The following WNT7B variants were observed in gnomAD, a reference collection of about 807,000 sequenced individuals.
The protein encoded by WNT7B is protein Wnt-7b.
Under a neutral mutation model 38.2 loss-of-function variants are expected in WNT7B, and 19 were observed. That is an observed-to-expected ratio of 0.50 (90% CI 0.35 to 0.73). The LOEUF is 0.73. Ranked by LOEUF, WNT7B falls within the 30% of genes least tolerant of loss-of-function variation. The pLI is 0.01. For missense variants in WNT7B, 423 were observed against 507.9 expected, an observed-to-expected ratio of 0.83 and a Z score of 1.61; for synonymous variants, 243 against 209.3, an observed-to-expected ratio of 1.16 and a Z score of -1.39.
rs1267902998 is a variant in WNT7B, at chr22:45,948,816, T to C, written c.298+1104A>G. Among the ~76,000 whole-genome samples the C allele has an allele frequency of 6.3e-5, 8 of 127,332 alleles. No homozygotes were observed. In the East Asian group the frequency reaches 1.1e-3, roughly 17 times the overall value. 83.5% of individuals were successfully genotyped at this position (127,332 alleles called of 152,430 possible). ...AGCTGGATTCAAACCCAGGTCAGGC[T>C]CCAAAGATCCCTTTTTTTTTTTTTT... On this transcript the variant is annotated intron_variant, in intron 2 of 3. Transcript: ENST00000339464.
chr22:45,951,843 G>T lies in WNT7B; in HGVS notation c.72-1697C>A, dbSNP rs989936009. ...TACTGTGAGTGATGCCGCCATGAAC[G>T]TGCGGGTAAGGTTTCTGTTTGAGCC... On this transcript the variant is annotated intron_variant, in intron 1 of 3. Transcript: ENST00000339464. This position sits in a 1 kb window ranked among gnomAD's most constrained non-coding sequence, Gnocchi z 4.8. Among the ~76,000 whole-genome samples the T allele has an allele frequency of 4.6e-5, 7 of 152,148 alleles. No homozygotes were observed. In the South Asian group the frequency reaches 1.5e-3, roughly 32 times the overall value.
intron 2 of WNT7B, 89 bp downstream of exon 2, chr22:45,949,831 C>T: frequency 1.5e-6 from 2 of 1,311,436 alleles, no homozygotes; most frequent in East Asian, 2.5e-5. Context: ...GTGTGCAGAA[C>T]AGCGGCCTAG....
chr22:45,931,244 T>A lies in WNT7B; in HGVS notation c.424A>T (p.Asn142Tyr). 1 of 1,599,196 alleles carries A rather than the reference T, an allele frequency of 6.3e-7. No individual in the cohort carries two copies. Among genetic ancestry groups the A allele is most frequent in the Non-Finnish European group, 8.5e-7 (1 of 1,179,814 alleles). Residue 142 changes from asparagine (N) to tyrosine (Y), a missense_variant, in exon 3 of 4, where the codon AAC becomes TAC. Physicochemically the swap from Asn to Tyr is moderately radical, Grantham distance 143 (BLOSUM62 -2). Coordinates refer to ENST00000339464, the MANE Select transcript of WNT7B (RefSeq NM_058238.3). Reference sequence around the variant, plus strand: ...CCCCACTTCCAGCCCTCGGCTTGGTTGTAGTAGCCCTGCTTCTCGCGGTCG... The same window carrying A: ...CCCCACTTCCAGCCCTCGGCTTGGTAGTAGTAGCCCTGCTTCTCGCGGTCG... ...GCDREKQGYY[N>Y]QAEGWKWGGC... is the part of the protein sequence containing the mutation.
At chr22:45,925,762 G>T in intron 3 of WNT7B, 1 of 985,398 alleles carries the variant, frequency 1.0e-6, no homozygotes, top group Non-Finnish European at 1.2e-6. Flanking sequence ...CCCTGATGGT[G>T]GCCCCTCTCG....
At chr22:45,929,913 CATCT>C (rs1336662472) in intron 3 of WNT7B, among the ~76,000 whole-genome samples, 6 of 150,958 alleles carry the variant, frequency 4.0e-5, no homozygotes, top group African/African-American at 2.5e-5. Flanking sequence ...TCTACCCATC[CATCT>C]ATCCTCCCAT....
At chr22:45,929,615 T>C (rs1931234111) in intron 3 of WNT7B, among the ~76,000 whole-genome samples, 1 of 134,148 alleles carries the variant, frequency 7.5e-6, no homozygotes, top group African/African-American at 3.3e-5. Context: ...CACCTGCCCA[T>C]ACACCCATCC....
chr22:45,955,727 A>G (rs1198741281), intron 1 of WNT7B, among the ~76,000 whole-genome samples: 1 of 152,172 alleles, frequency 6.6e-6, no homozygotes, highest in African/African-American at 2.4e-5. Context: ...GCAAGTCTGG[A>G]AAGTTTCCTT....
chr22:45,928,215 G>A (rs1931154554), intron 3 of WNT7B, among the ~76,000 whole-genome samples: 1 of 152,166 alleles, frequency 6.6e-6, no homozygotes, highest in African/African-American at 2.4e-5. Context: ...GAAGCTGGGG[G>A]GCAGGGGCAG....
chr22:45,965,057 C>A lies in WNT7B; in HGVS notation c.71+11627G>T, dbSNP rs961778895. On this transcript the variant is annotated intron_variant, in intron 1 of 3. Transcript: ENST00000339464. The surrounding 1 kb of genome is among the most constrained non-coding windows in gnomAD (Gnocchi z 6.5). ...GCCCTGGGCTCCCCAGACCCGAGAT[C>A]ACTGCCTCCGGCCCCGCCCCCACCT... 6.6e-6 allele frequency among the ~76,000 whole-genome samples: 1 copy of A among 152,160 alleles called. No homozygotes were observed. Among genetic ancestry groups the A allele is most frequent in the African/African-American group, 2.4e-5 (1 of 41,434 alleles).
intron 3 of WNT7B, among the ~76,000 whole-genome samples, chr22:45,929,494 ACCCACCCACCCACCAATACT>A (rs1481594889): frequency 9.3e-4 from 74 of 79,386 alleles, no homozygotes; most frequent in African/African-American, 3.0e-3. Context: ...ACATCCACCC[ACCCACCCACCCACCAATACT>A]TCCGTCCATC....
At chr22:45,943,554 C>T (rs1203354928) in intron 2 of WNT7B, among the ~76,000 whole-genome samples, 3 of 152,160 alleles carry the variant, frequency 2.0e-5, no homozygotes, top group African/African-American at 7.2e-5. Flanking sequence ...GCAAAGCCAG[C>T]AACTGCCTGT....
intron 2 of WNT7B, among the ~76,000 whole-genome samples, chr22:45,932,556 C>T (rs927407510): frequency 6.6e-6 from 1 of 152,202 alleles, no homozygotes; most frequent in African/African-American, 2.4e-5. Context: ...GCAGGTTCAG[C>T]TCTCATTTCC....
In WNT7B at chr22:45,925,795, C is replaced by T. The variant is rs1043969497; in HGVS notation, c.571-2460G>A. 3.0e-6 allele frequency: 3 copies of T among 985,332 alleles called. No homozygotes were observed. The African/African-American group carries it at 5.2e-5, about 17-fold the overall frequency. 61.0% of individuals were successfully genotyped at this position (985,332 alleles called of 1,614,324 possible). ...TCGGAGTTCCCAGCCGGGAGAAGTT[C>T]ACCCCACCCCGGGCTGCTCACCCTC... On this transcript the variant is annotated intron_variant, in intron 3 of 3. Coordinates refer to ENST00000339464, the MANE Select transcript of WNT7B (RefSeq NM_058238.3).
At chr22:45,953,650 A>G (rs1026520367) in intron 1 of WNT7B, among the ~76,000 whole-genome samples, 7 of 151,884 alleles carry the variant, frequency 4.6e-5, no homozygotes, top group Admixed American at 2.6e-4. Flanking sequence ...GCTCAACCTC[A>G]GTAATCACTG....
intron 1 of WNT7B, chr22:45,972,646 G>T (rs1479929507): frequency 6.6e-6 from 1 of 152,414 alleles, no homozygotes; most frequent in East Asian, 1.9e-4. Flanking sequence ...TTTTTAAAGG[G>T]GAGGCTGACC....
At chr22:45,925,182 G>A (rs950620550) in intron 3 of WNT7B, 10 of 982,768 alleles carry the variant, frequency 1.0e-5, no homozygotes, top group Middle Eastern at 5.2e-4. Context: ...TGGGTGCCGG[G>A]TGGGCCCTAG....
In WNT7B at chr22:45,931,080, GCCGCAC is replaced by G. The variant is rs764383546; in HGVS notation, c.570+12_570+17del. ...GCGGTCCCAGCTACGGCCCCCACCAGCCGCACCCGCACCCTACCTTCCTGCCGGCCT... is the reference window on the plus strand; with the variant it reads ...GCGGTCCCAGCTACGGCCCCCACCAGCCGCACCCTACCTTCCTGCCGGCCT... On this transcript the variant is annotated intron_variant, in intron 3 of 3. Coordinates refer to ENST00000339464, the MANE Select transcript of WNT7B (RefSeq NM_058238.3). 6.4e-7 allele frequency: 1 copy of G among 1,551,174 alleles called. No individual in the cohort carries two copies. The highest frequency in any genetic ancestry group is 1.8e-5 in the Admixed American group (1 of 55,832).
At chr22:45,971,465 G>A (rs1278027503) in intron 1 of WNT7B, among the ~76,000 whole-genome samples, 1 of 152,184 alleles carries the variant, frequency 6.6e-6, no homozygotes, top group African/African-American at 2.4e-5. Context: ...TCAGAGCCCC[G>A]TGGGCTCTGC....
intron 1 of WNT7B, among the ~76,000 whole-genome samples, chr22:45,952,363 G>A (rs775486501): frequency 3.4e-5 from 5 of 145,398 alleles, no homozygotes; most frequent in East Asian, 2.2e-4. Context: ...AGGCCCGCCC[G>A]GCCCGCCCAC....
Sources: allele counts gnomAD v4.1 joint callset (sites outside exome capture counted in the v4.1 genomes callset), GRCh38; gene constraint gnomAD v4.1.1; non-coding constraint Gnocchi (gnomAD v3.1); transcripts MANE v1.5; gene names NCBI Gene and HGNC (gene_info 2026-07-23, HGNC 2026-07-21).